Variants in PDZD2 observed in about 807,000 individuals in gnomAD.
PDZD2 encodes the protein PDZ domain-containing protein 2.
Under a neutral mutation model 220.7 loss-of-function variants are expected in PDZD2, and 90 were observed. The observed-to-expected ratio is 0.41, with a 90% CI of 0.34 to 0.49. The LOEUF is 0.49. PDZD2 is among the 20% of genes least tolerant of loss of function. PDZD2 has a pLI of 0.28. For synonymous variants in PDZD2, 1,375 were observed against 1,450.5 expected (o/e 0.95, Z 1.18); for missense variants, 3,174 against 3,608.5 (o/e 0.88, Z 3.08).
intron 7 of PDZD2, among the ~76,000 whole-genome samples, chr5:32,041,967 G>A (rs1325471690): frequency 7.0e-6 from 1 of 143,334 alleles, no homozygotes; most frequent in Non-Finnish European, 1.5e-5. Context: ...TGTAATCCCA[G>A]CACTTTGGGA....
chr5:31,878,408 A>G (rs374536226), intron 2 of PDZD2, among the ~76,000 whole-genome samples: 1 of 152,224 alleles, frequency 6.6e-6, no homozygotes, highest in African/African-American at 2.4e-5. Context: ...GAACTTCAGA[A>G]GAACATAGAC....
In PDZD2 at chr5:31,669,418, A is replaced by T. The variant is rs558893441; in HGVS notation, c.-361+29981A>T. Among the ~76,000 whole-genome samples, 725 of 149,468 alleles carry T rather than the reference A, an allele frequency of 4.9e-3. 36 individuals are homozygous for T. The South Asian group carries it at 0.1, about 22-fold the overall frequency. On this transcript the variant is annotated intron_variant, in intron 1 of 24. Coordinates refer to ENST00000438447, the MANE Select transcript of PDZD2 (RefSeq NM_178140.4). Reference sequence around the variant, plus strand: ...CCCTGTCTCAAAAAAAAAAAAAAAAAAAAAATAAGATCTATCCAGCCCCTA... The same window carrying T: ...CCCTGTCTCAAAAAAAAAAAAAAAATAAAAATAAGATCTATCCAGCCCCTA...
intron 2 of PDZD2, among the ~76,000 whole-genome samples, chr5:31,919,180 G>A (rs775920716): frequency 2.0e-5 from 3 of 152,160 alleles, no homozygotes; most frequent in African/African-American, 4.8e-5. Context: ...CACTGTGGCC[G>A]GCACTGAGAT....
intron 7 of PDZD2, among the ~76,000 whole-genome samples, chr5:32,040,426 C>T (rs1276875798): frequency 7.0e-6 from 1 of 142,322 alleles, no homozygotes; most frequent in East Asian, 2.2e-4. Flanking sequence ...TGAGGAGCGT[C>T]TCTGCCGGAC....
At chr5:32,009,376 A>G (rs1048882711) in intron 5 of PDZD2, among the ~76,000 whole-genome samples, 1 of 151,112 alleles carries the variant, frequency 6.6e-6, no homozygotes, top group Non-Finnish European at 1.5e-5. Flanking sequence ...AAAAATCAAT[A>G]AAAAAAAGAT....
Position 31,821,623 on chromosome 5 carries a change from C to T in PDZD2, c.476+21899C>T, listed in dbSNP as rs552109021. On this transcript the variant is annotated intron_variant, in intron 2 of 24. Transcript: ENST00000438447. Reference sequence around the variant, plus strand: ...CTCGATCTTTTGACCTCGTGATCTACCCGCCTCGGCCTCCCAAAGTGCTGG... The same window carrying T: ...CTCGATCTTTTGACCTCGTGATCTATCCGCCTCGGCCTCCCAAAGTGCTGG... 3.0e-3 allele frequency among the ~76,000 whole-genome samples: 463 copies of T among 152,258 alleles called. 1 individual carries two copies. The highest frequency in any genetic ancestry group is 0.027 in the South Asian group (132 of 4,818).
chr5:32,014,308 A>G (rs1399011664), intron 6 of PDZD2, among the ~76,000 whole-genome samples: 2 of 152,222 alleles, frequency 1.3e-5, no homozygotes, highest in African/African-American at 4.8e-5. Flanking sequence ...AGGATCTGCC[A>G]TGCGTCCCCT....
intron 1 of PDZD2, among the ~76,000 whole-genome samples, chr5:31,763,928 C>A (rs1627377): frequency 0.046 from 6,886 of 150,424 alleles, 347 homozygotes; most frequent in African/African-American, 0.13. Context: ...GTAGTGAGCT[C>A]GGGCTCTGAC....
At chr5:31,759,803 C>A (rs989429520) in intron 1 of PDZD2, among the ~76,000 whole-genome samples, 1 of 152,086 alleles carries the variant, frequency 6.6e-6, no homozygotes, top group Non-Finnish European at 1.5e-5. Flanking sequence ...CCTCGGCCTC[C>A]CAAAGCGTTG....
chr5:32,074,175 A>C lies in PDZD2; in HGVS notation c.3069A>C (p.Lys1023Asn), dbSNP rs1741045457. Residue 1023 changes from lysine (K) to asparagine (N), a missense_variant, in exon 18 of 25, where the codon AAA becomes AAC. Physicochemically the swap from Lys to Asn is moderately conservative, Grantham distance 94. This residue lies in a region of PDZD2 where 1,861 missense variants were observed against 2,001.0 expected (regional missense o/e 0.93). Transcript: ENST00000438447. Reference sequence around the variant, plus strand: ...ACAACCAAGAGGAACGACCCCGGAAAACACTGGTGAGCAAGGCCATCTCGG... The same window carrying C: ...ACAACCAAGAGGAACGACCCCGGAACACACTGGTGAGCAAGGCCATCTCGG... ...DVHNQEERPR[K>N]TLVSKAISAP... 5 of 1,614,192 alleles carry C rather than the reference A, an allele frequency of 3.1e-6. No individual in the cohort carries two copies. The highest frequency in any genetic ancestry group is 3.4e-6 in the Non-Finnish European group (4 of 1,180,028).
At chr5:31,969,528 A>AAAAAAAAAAAAAAAAAAAAAAAAAAG (rs1749092006) in intron 2 of PDZD2, among the ~76,000 whole-genome samples, 1 of 148,622 alleles carries the variant, frequency 6.7e-6, no homozygotes, top group African/African-American at 2.5e-5. Flanking sequence ...AAAAAAAAAA[A>AAAAAAAAAAAAAAAAAAAAAAAAAAG]AAAAAAACAA....
intron 2 of PDZD2, among the ~76,000 whole-genome samples, chr5:31,810,723 A>T (rs148092341): frequency 1.8e-4 from 27 of 152,352 alleles, no homozygotes; most frequent in African/African-American, 6.3e-4. Flanking sequence ...CCAAGTACAG[A>T]AATGAACAGA....
intron 1 of PDZD2, among the ~76,000 whole-genome samples, chr5:31,792,881 C>G (rs1053272641): frequency 2.0e-5 from 3 of 151,956 alleles, no homozygotes; most frequent in Non-Finnish European, 4.4e-5. Flanking sequence ...CTGTCTTGCC[C>G]AGGCTGGAGT....
chr5:32,071,811 AT>A (rs1263828374), intron 16 of PDZD2, among the ~76,000 whole-genome samples: 1 of 152,152 alleles, frequency 6.6e-6, no homozygotes, highest in Non-Finnish European at 1.5e-5. Flanking sequence ...TTTGTTCACC[AT>A]TTGGCTAGAC....
chr5:31,937,289 C>T (rs1029096255), intron 2 of PDZD2, among the ~76,000 whole-genome samples: 1 of 152,148 alleles, frequency 6.6e-6, no homozygotes, highest in Non-Finnish European at 1.5e-5. Context: ...ATTGGGCTAA[C>T]ATGGAGGAGG....
Position 31,799,080 on chromosome 5 carries a change from A to C in PDZD2, c.-169A>C. 1.7e-6 allele frequency: 1 copy of C among 582,676 alleles called. No homozygotes were observed. The highest frequency in any genetic ancestry group is 2.3e-5 in the South Asian group (1 of 43,784). 36.1% of individuals were successfully genotyped at this position (582,676 alleles called of 1,614,324 possible). ...ATTGGGTCCTAGCTTCCTCCTGCCAAGGCAAACAGCATAGTCTCGAGTAGG... is the reference window on the plus strand; with the variant it reads ...ATTGGGTCCTAGCTTCCTCCTGCCACGGCAAACAGCATAGTCTCGAGTAGG... On this transcript the variant is annotated 5_prime_UTR_variant, in exon 2 of 25. Coordinates refer to ENST00000438447, the MANE Select transcript of PDZD2 (RefSeq NM_178140.4).
At chr5:31,916,466 T>G (rs1561067993) in intron 2 of PDZD2, among the ~76,000 whole-genome samples, 1 of 152,232 alleles carries the variant, frequency 6.6e-6, no homozygotes, top group Admixed American at 6.5e-5. Context: ...CCTGTTCATC[T>G]TTTTGTTGCC....
intron 2 of PDZD2, among the ~76,000 whole-genome samples, chr5:31,827,047 G>A (rs1756273252): frequency 6.6e-6 from 1 of 152,168 alleles, no homozygotes; most frequent in African/African-American, 2.4e-5. Context: ...TAACCTTCCT[G>A]TAGGCAGCAA....
rs925223856 is a variant in PDZD2 at position 31,908,780 on chromosome 5, C to T, written c.477-74375C>T. ...CCAGTTCTGGCCGGGCGTGGTGGCT[C>T]ACGCCTATAATCCCAGCACTTTGGG... On this transcript the variant is annotated intron_variant, in intron 2 of 24. Coordinates refer to ENST00000438447, the MANE Select transcript of PDZD2 (RefSeq NM_178140.4). 17 of 828,164 alleles carry T rather than the reference C, an allele frequency of 2.1e-5. No individual in the cohort carries two copies. In the African/African-American group the frequency reaches 2.2e-4, roughly 11 times the overall value. 51.3% of individuals were successfully genotyped at this position (828,164 alleles called of 1,614,324 possible).
Sources: gnomAD v4.1 joint callset for allele counts (sites outside exome capture counted in the v4.1 genomes callset) on GRCh38, gnomAD v4.1.1 for gene constraint, gnomAD v4.1.1 regional missense constraint, MANE v1.5 for transcripts, NCBI Gene and HGNC (gene_info 2026-07-23, HGNC 2026-07-21) for gene names.